CRLF3: variants seen among roughly 807,000 people sequenced by gnomAD.
CRLF3 encodes cytokine receptor like factor 3.
Under a neutral mutation model 55.0 loss-of-function variants are expected in CRLF3, and 33 were observed. The ratio of observed to expected loss-of-function variants is 0.60; its 90% CI spans 0.46 to 0.80. The LOEUF (loss-of-function observed/expected upper bound fraction) is 0.80, where lower values mean the gene tolerates loss of function less well. Among genes scored for constraint, CRLF3 ranks in the 30% least tolerant of loss-of-function variants. CRLF3 has a pLI of 0.00. For synonymous variants in CRLF3, 238 were observed against 196.8 expected (o/e 1.21, Z -1.75); for missense variants, 494 against 538.4 (o/e 0.92, Z 0.82).
intron 1 of CRLF3, among the ~76,000 whole-genome samples, chr17:30,805,379 A>C (rs1294018046): frequency 2.6e-5 from 4 of 152,094 alleles, no homozygotes; most frequent in African/African-American, 9.7e-5. Context: ...GAGGGGATTA[A>C]AATTCATTTT....
At chr17:30,820,510 C>T (rs1435063859) in intron 1 of CRLF3, among the ~76,000 whole-genome samples, 1 of 151,998 alleles carries the variant, frequency 6.6e-6, no homozygotes, top group Non-Finnish European at 1.5e-5. Context: ...CAGCTGGGCA[C>T]GGTGGCTCAC....
At chr17:30,803,270 C>T (rs781135824) in intron 2 of CRLF3, among the ~76,000 whole-genome samples, 1 of 151,892 alleles carries the variant, frequency 6.6e-6, no homozygotes, top group African/African-American at 2.4e-5. Flanking sequence ...TATTACACAC[C>T]GCATGCCTGT....
chr17:30,804,783 T>C (rs147376770), intron 1 of CRLF3, among the ~76,000 whole-genome samples: 169 of 152,324 alleles, frequency 1.1e-3, no homozygotes, highest in African/African-American at 3.6e-3. Flanking sequence ...TCAAGTCAGA[T>C]AGAATAAGCC....
At chr17:30,821,312 C>T (rs1904990005) in intron 1 of CRLF3, among the ~76,000 whole-genome samples, 1 of 150,126 alleles carries the variant, frequency 6.7e-6, no homozygotes, top group Non-Finnish European at 1.5e-5. Context: ...TGCACTCCAG[C>T]CTGGGTGACA....
rs759042791 is a variant in CRLF3, at chr17:30,804,018, A to G, written c.220T>C (p.Leu74=). 8 of 1,613,372 alleles carry G rather than the reference A, an allele frequency of 5.0e-6. No homozygotes were observed. The Admixed American group carries it at 8.3e-5, about 17-fold the overall frequency. The change falls in exon 2 of 8, where the codon TTG becomes CTG. Residue 74 remains leucine (L), a synonymous_variant. Transcript: ENST00000324238. ...TCCACCTCTTGCAAAAGGGTCACCAATCGCTCATCCAGGAGCTTTCCAAGG... is the reference window on the plus strand; with the variant it reads ...TCCACCTCTTGCAAAAGGGTCACCAGTCGCTCATCCAGGAGCTTTCCAAGG... The part of the protein sequence containing the change: ...GTLGKLLDER[L]VTLLQEVDTI...
intron 1 of CRLF3, among the ~76,000 whole-genome samples, chr17:30,808,090 T>G (rs116756956): frequency 0.019 from 2,840 of 152,142 alleles, 104 homozygotes; most frequent in African/African-American, 0.065. Flanking sequence ...ACAAATGCTG[T>G]TGAGTGAAAA....
intron 2 of CRLF3, among the ~76,000 whole-genome samples, 177 bp from the exon 3 acceptor site, chr17:30,797,575 A>T (rs560943062): frequency 3.9e-5 from 6 of 152,318 alleles, no homozygotes; most frequent in Non-Finnish European, 7.3e-5. Flanking sequence ...CTAAGATCAA[A>T]TCCAAGAGGA....
chr17:30,801,901 T>C (rs1481252938), intron 2 of CRLF3, among the ~76,000 whole-genome samples: 1 of 151,828 alleles, frequency 6.6e-6, no homozygotes, highest in Non-Finnish European at 1.5e-5. Context: ...ATGATAATGT[T>C]ACTTCTGCTT....
Position 30,793,478 on chromosome 17 carries a change from C to G in CRLF3, c.798G>C (p.Gln266His). 1.2e-6 allele frequency: 2 copies of G among 1,614,060 alleles called. No individual in the cohort carries two copies. Among genetic ancestry groups the G allele is most frequent in the Non-Finnish European group, 1.7e-6 (2 of 1,179,990 alleles). Residue 266 changes from glutamine to histidine, a missense_variant, in exon 5 of 8, where the codon CAG becomes CAC. Gln to His is a conservative substitution (Grantham distance 24). Coordinates refer to ENST00000324238, the MANE Select transcript of CRLF3 (RefSeq NM_015986.4). ...RQEWSPWSVP[Q>H]IGHSTLVPHE... ...GAGGCACCAATGTGGAATGACCTAT[C>G]TGGGGGACACTCCAAGGACTCCACT... is the stretch of plus-strand genomic sequence containing the variant.
At chr17:30,804,778 T>C (rs1904336980) in intron 1 of CRLF3, among the ~76,000 whole-genome samples, 1 of 152,204 alleles carries the variant, frequency 6.6e-6, no homozygotes, top group Non-Finnish European at 1.5e-5. Flanking sequence ...GCCCTTCAAG[T>C]CAGATAGAAT....
intron 7 of CRLF3, 105 bp from the exon 8 acceptor site, chr17:30,784,548 T>A: frequency 9.4e-7 from 1 of 1,059,386 alleles, no homozygotes; most frequent in Non-Finnish European, 1.4e-6. Context: ...ATTCAGATTT[T>A]AAAAAATCTG....
intron 6 of CRLF3, chr17:30,787,687 C>G (rs1971679573): frequency 6.6e-6 from 1 of 152,116 alleles, no homozygotes; most frequent in African/African-American, 2.4e-5. Flanking sequence ...TATTTCATAT[C>G]TGAGCAGTCT....
chr17:30,820,529 G>A (rs1045859879), intron 1 of CRLF3, among the ~76,000 whole-genome samples: 6 of 152,070 alleles, frequency 3.9e-5, no homozygotes, highest in African/African-American at 1.4e-4. Flanking sequence ...ACCCAGGCAC[G>A]GTGGTAATCC....
In CRLF3 at chr17:30,791,138, A is replaced by G. The variant is rs564470550; in HGVS notation, c.959+1302T>C. Among the ~76,000 whole-genome samples the G allele has an allele frequency of 2.0e-5, 3 of 151,806 alleles. No homozygotes were observed. In the South Asian group the frequency reaches 6.2e-4, roughly 31 times the overall value. ...TGCCCTGTTGCCAGGCTGAAGTGCA[A>G]TGGCTCACTGCAACATTTGCCTCCC... is the stretch of plus-strand genomic sequence containing the variant. On this transcript the variant is annotated intron_variant, in intron 6 of 7. Transcript: ENST00000324238.
Position 30,789,789 on chromosome 17 carries a change from T to C in CRLF3, c.959+2651A>G, listed in dbSNP as rs554935490. Reference sequence around the variant, plus strand: ...AAATATTAACTGCAATTATTATTATTATCATCATTATTGCAGTCTGAGATA... The same window carrying C: ...AAATATTAACTGCAATTATTATTATCATCATCATTATTGCAGTCTGAGATA... On this transcript the variant is annotated intron_variant, in intron 6 of 7. Coordinates refer to ENST00000324238, the MANE Select transcript of CRLF3 (RefSeq NM_015986.4). 1.8e-3 allele frequency among the ~76,000 whole-genome samples: 271 copies of C among 152,312 alleles called. 1 individual carries two copies. Among genetic ancestry groups the C allele is most frequent in the African/African-American group, 5.8e-3 (241 of 41,574 alleles).
At chr17:30,793,795 G>T in intron 4 of CRLF3, 123 bp from the exon 5 acceptor site, 1 of 628,708 alleles carries the variant, frequency 1.6e-6, no homozygotes, top group Non-Finnish European at 2.8e-6. Flanking sequence ...TGAATATGGG[G>T]TATTCTTGGG....
At chr17:30,798,560 C>T (rs1971959078) in intron 2 of CRLF3, among the ~76,000 whole-genome samples, 1 of 151,916 alleles carries the variant, frequency 6.6e-6, no homozygotes, top group Admixed American at 6.6e-5. Context: ...GAGACATGGC[C>T]GGGTACTGTG....
Position 30,792,573 on chromosome 17 carries a change from CTT to C in CRLF3, c.827-3_827-2del, listed in dbSNP as rs767243254. The C allele has an allele frequency of 5.6e-5, 89 of 1,590,956 alleles. 2 individuals are homozygous for C. The East Asian group carries it at 1.9e-3, about 34-fold the overall frequency. ...TACCCCTCAAAACCAGCTGTCCACT[CTT>C]TTTCAAAGCAAAGATATTGAAAACT... On this transcript the variant is annotated splice_acceptor_variant and splice_polypyrimidine_tract_variant and intron_variant, in intron 5 of 7. Coordinates refer to ENST00000324238, the MANE Select transcript of CRLF3 (RefSeq NM_015986.4). LOFTEE classifies it high-confidence loss of function.
chr17:30,800,669 C>CT (rs1164987166), intron 2 of CRLF3, among the ~76,000 whole-genome samples: 1 of 151,512 alleles, frequency 6.6e-6, no homozygotes, highest in East Asian at 1.9e-4. Flanking sequence ...GGGTCTTGCT[C>CT]TGTTGCCCAG....
Sources: allele counts gnomAD v4.1 joint callset (sites outside exome capture counted in the v4.1 genomes callset), GRCh38; gene constraint gnomAD v4.1.1; transcripts MANE v1.5; gene names NCBI Gene and HGNC (gene_info 2026-07-23, HGNC 2026-07-21).